MTDH: variants seen among roughly 807,000 people sequenced by gnomAD.
MTDH encodes the protein metadherin.
Under a neutral mutation model 72.7 loss-of-function variants are expected in MTDH, and 34 were observed. The observed-to-expected ratio is 0.47, with a 90% CI of 0.36 to 0.62. The LOEUF (loss-of-function observed/expected upper bound fraction) is 0.62. MTDH is among the 20% of genes least tolerant of loss of function. The pLI, the probability that MTDH is intolerant of heterozygous loss-of-function variation, is 0.00. For missense variants in MTDH, 677 were observed against 699.4 expected (o/e 0.97, Z 0.36); for synonymous variants, 266 against 268.9 (o/e 0.99, Z 0.10).
chr8:97,722,146 C>G (rs953533812), intron 10 of MTDH, among the ~76,000 whole-genome samples: 8 of 152,140 alleles, frequency 5.3e-5, no homozygotes, highest in African/African-American at 1.9e-4. Context: ...CGCCTATAAT[C>G]CCAGCTACTC....
At chr8:97,662,969 T>C (rs965335331) in intron 2 of MTDH, among the ~76,000 whole-genome samples, 3 of 152,032 alleles carry the variant, frequency 2.0e-5, no homozygotes, top group African/African-American at 7.2e-5. Flanking sequence ...TAATTAAATT[T>C]ATGTCTGACT....
intron 6 of MTDH, among the ~76,000 whole-genome samples, chr8:97,697,191 G>T (rs562979858): frequency 7.8e-6 from 1 of 127,688 alleles, no homozygotes; most frequent in Non-Finnish European, 1.6e-5. Context: ...TTGTAGTTCC[G>T]CAGCGTCTGG....
At chr8:97,707,242 C>T (rs1814391190) in intron 8 of MTDH, among the ~76,000 whole-genome samples, 1 of 150,974 alleles carries the variant, frequency 6.6e-6, no homozygotes, top group Non-Finnish European at 1.5e-5. Context: ...ACCTCTACCT[C>T]CTGTGTTCAA....
At chr8:97,703,861 C>T (rs2131041215) in intron 7 of MTDH, among the ~76,000 whole-genome samples, 1 of 152,310 alleles carries the variant, frequency 6.6e-6, no homozygotes, top group African/African-American at 2.4e-5. Flanking sequence ...ACATGTATCT[C>T]ATATAATCCT....
At chr8:97,665,907 A>G (rs535419811) in intron 2 of MTDH, among the ~76,000 whole-genome samples, 175 of 152,254 alleles carry the variant, frequency 1.1e-3, no homozygotes, top group Admixed American at 1.8e-3. Flanking sequence ...CGGGCGGATT[A>G]CGAGAGGTCA....
intron 2 of MTDH, among the ~76,000 whole-genome samples, chr8:97,676,695 C>T (rs2130971211): frequency 6.6e-6 from 1 of 151,912 alleles, no homozygotes; most frequent in African/African-American, 2.4e-5. Flanking sequence ...ATGGTGAAAC[C>T]TTGTCTCTAC....
chr8:97,649,302 C>G (rs1262167325), intron 1 of MTDH, among the ~76,000 whole-genome samples: 1 of 152,176 alleles, frequency 6.6e-6, no homozygotes, highest in Non-Finnish European at 1.5e-5. Context: ...TTTGTTTAGA[C>G]TGTTCTAACA....
chr8:97,711,546 C>A (rs777025196), intron 8 of MTDH, among the ~76,000 whole-genome samples: 6 of 151,922 alleles, frequency 3.9e-5, no homozygotes, highest in African/African-American at 1.5e-4. Context: ...ACCCCTTTTA[C>A]CCAGTTTTCC....
At chr8:97,697,150 A>ATATATATATATATATTTTTT in intron 6 of MTDH, among the ~76,000 whole-genome samples, 2 of 68,782 alleles carry the variant, frequency 2.9e-5, no homozygotes, top group African/African-American at 1.8e-4. Flanking sequence ...ATATATATAT[A>ATATATATATATATATTTTTT]TTTTTTTTTT....
chr8:97,730,023 T>A lies in MTDH; in HGVS notation c.*5353T>A, dbSNP rs372933939. ...ACGATGATTTCTAACCCTAGCATCA[T>A]GACATGTATATAGTGTGTTGTAAGA... On this transcript the variant is annotated 3_prime_UTR_variant, in exon 12 of 12. Coordinates refer to ENST00000336273, the MANE Select transcript of MTDH (RefSeq NM_178812.4). Among the ~76,000 whole-genome samples, 111 of 152,224 alleles carry A rather than the reference T, an allele frequency of 7.3e-4. No homozygotes were observed. Among genetic ancestry groups the A allele is most frequent in the Non-Finnish European group, 1.5e-4 (10 of 68,034 alleles).
chr8:97,679,790 G>T (rs189043362), intron 2 of MTDH, among the ~76,000 whole-genome samples: 2 of 152,082 alleles, frequency 1.3e-5, no homozygotes, highest in African/African-American at 2.4e-5. Flanking sequence ...TATTTAACCC[G>T]CTGTTACAAG....
chr8:97,679,903 T>C (rs1303450655), intron 2 of MTDH, among the ~76,000 whole-genome samples: 2 of 152,222 alleles, frequency 1.3e-5, no homozygotes, highest in Non-Finnish European at 2.9e-5. Flanking sequence ...CACTGCTTAT[T>C]TACTTATTTT....
At chr8:97,681,497 T>TC (rs1474532026) in intron 2 of MTDH, among the ~76,000 whole-genome samples, 3 of 148,686 alleles carry the variant, frequency 2.0e-5, no homozygotes, top group South Asian at 2.1e-4. Flanking sequence ...TTTTCTTTTT[T>TC]TTTTTTTTTT....
chr8:97,723,364 C>G (rs1467694973), intron 11 of MTDH, among the ~76,000 whole-genome samples: 1 of 151,108 alleles, frequency 6.6e-6, no homozygotes, highest in Non-Finnish European at 1.5e-5. Context: ...TGCCACTGCA[C>G]TCCAGCCTGG....
chr8:97,650,774 C>T (rs967457372), intron 1 of MTDH, among the ~76,000 whole-genome samples: 3 of 150,762 alleles, frequency 2.0e-5, no homozygotes, highest in Non-Finnish European at 3.0e-5. Flanking sequence ...CTGTCACCCA[C>T]GCTGGAGTGC....
At chr8:97,660,032 A>G (rs1435123199) in intron 1 of MTDH, among the ~76,000 whole-genome samples, 1 of 152,060 alleles carries the variant, frequency 6.6e-6, no homozygotes, top group Non-Finnish European at 1.5e-5. Flanking sequence ...GGTGGCATGC[A>G]CCTGTAATCT....
At chr8:97,714,992 A>G (rs973145284) in intron 9 of MTDH, among the ~76,000 whole-genome samples, 3 of 151,754 alleles carry the variant, frequency 2.0e-5, no homozygotes, top group Admixed American at 1.3e-4. Context: ...CGCCTGGCTA[A>G]TTTTTGTATT....
chr8:97,651,663 A>G (rs930516739), intron 1 of MTDH, among the ~76,000 whole-genome samples: 2 of 152,224 alleles, frequency 1.3e-5, no homozygotes, highest in African/African-American at 4.8e-5. Context: ...ATTCACCAAT[A>G]CAGAATCCAT....
At chr8:97,658,380 T>C (rs1489751431) in intron 1 of MTDH, among the ~76,000 whole-genome samples, 1 of 152,254 alleles carries the variant, frequency 6.6e-6, no homozygotes, top group Non-Finnish European at 1.5e-5. Flanking sequence ...TCTGTGGGAA[T>C]GCAGTTGGTC....
Sources: allele counts gnomAD v4.1 joint callset (sites outside exome capture counted in the v4.1 genomes callset), GRCh38; gene constraint gnomAD v4.1.1; transcripts MANE v1.5; gene names NCBI Gene and HGNC (gene_info 2026-07-23, HGNC 2026-07-21).